The following NLRP4 variants were observed in gnomAD, a reference collection of about 807,000 sequenced individuals.
The protein encoded by NLRP4 is NLR family pyrin domain containing 4.
In NLRP4, 44 loss-of-function variants were observed where a neutral mutation model predicts 84.7. The observed-to-expected ratio is 0.52, with a 90% CI of 0.41 to 0.67. The LOEUF (loss-of-function observed/expected upper bound fraction) is 0.67, where lower values mean the gene tolerates loss of function less well. Among genes scored for constraint, NLRP4 ranks in the 30% least tolerant of loss-of-function variants. The probability of loss-of-function intolerance (pLI) is 0.00; values close to 1 mark genes in which losing one functional copy is unlikely to be tolerated. For synonymous variants in NLRP4, 544 were observed against 476.4 expected (o/e 1.14, Z -1.85); for missense variants, 1,260 against 1,219.4 (o/e 1.03, Z -0.50).
At chr19:55,855,313 G>C (rs1219536936) in intron 2 of NLRP4, among the ~76,000 whole-genome samples, 1 of 152,108 alleles carries the variant, frequency 6.6e-6, no homozygotes, top group Admixed American at 6.5e-5. Context: ...TCTTCCACTG[G>C]GTACTTACAC....
At chr19:55,864,714 A>AT (rs35649746) in intron 5 of NLRP4, among the ~76,000 whole-genome samples, 21,136 of 151,976 alleles carry the variant, frequency 0.14, 1,810 homozygotes, top group East Asian at 0.34. Flanking sequence ...ATCTTTGCTT[A>AT]TTTTTTACTT....
intron 1 of NLRP4, among the ~76,000 whole-genome samples, chr19:55,846,588 A>G (rs1983803877): frequency 1.3e-5 from 2 of 152,210 alleles, no homozygotes; most frequent in African/African-American, 4.8e-5. Context: ...TAACAGATAT[A>G]TAACTGATAT....
chr19:55,866,586 A>G (rs1568669905), intron 5 of NLRP4, among the ~76,000 whole-genome samples: 1 of 152,216 alleles, frequency 6.6e-6, no homozygotes, highest in Non-Finnish European at 1.5e-5. Context: ...GGCAACACAA[A>G]TCAACTCAAG....
intron 3 of NLRP4, among the ~76,000 whole-genome samples, chr19:55,860,867 A>T (rs146149646): frequency 0.018 from 2,683 of 152,186 alleles, 63 homozygotes; most frequent in African/African-American, 0.061. Flanking sequence ...TATCCCAGCT[A>T]CTCAGGAGGC....
intron 1 of NLRP4, among the ~76,000 whole-genome samples, chr19:55,844,324 C>T (rs1318449752): frequency 1.3e-5 from 2 of 152,008 alleles, no homozygotes; most frequent in African/African-American, 4.8e-5. Flanking sequence ...CACTTTATTG[C>T]CCAGGCTGGA....
chr19:55,862,041 C>G lies in NLRP4; in HGVS notation c.2068C>G (p.Leu690Val). 1.2e-6 allele frequency: 2 copies of G among 1,613,388 alleles called. No individual in the cohort carries two copies. Among genetic ancestry groups the G allele is most frequent in the Non-Finnish European group, 1.7e-6 (2 of 1,179,288 alleles). Residue 690 changes from leucine to valine, a missense_variant, in exon 5 of 10, where the codon CTC becomes GTC. Coordinates refer to ENST00000301295, the MANE Select transcript of NLRP4 (RefSeq NM_134444.5). ...SGQSVLLFEV[L>V]FYQPDLKYLS... Reference sequence around the variant, plus strand: ...CCAGAGTGTTCTGCTCTTTGAGGTGCTCTTTTATCAGCCAGACTTGAAATA... The same window carrying G: ...CCAGAGTGTTCTGCTCTTTGAGGTGGTCTTTTATCAGCCAGACTTGAAATA...
Position 55,878,959 on chromosome 19 carries a change from G to A in NLRP4, c.2862G>A (p.Val954=). The change falls in exon 9 of 10, where the codon GTG becomes GTA. Residue 954 remains valine (V), a synonymous_variant. Transcript: ENST00000301295. ...ALRHPECALQ[V]LGLRKTDFDE... ...GACACCCAGAGTGTGCCCTGCAGGTGCTCGGGTGAGCTGGGGTCTGTTGTG... is the reference window on the plus strand; with the variant it reads ...GACACCCAGAGTGTGCCCTGCAGGTACTCGGGTGAGCTGGGGTCTGTTGTG... The A allele has an allele frequency of 2.5e-6, 4 of 1,612,128 alleles. No homozygotes were observed. The highest frequency in any genetic ancestry group is 2.5e-6 in the Non-Finnish European group (3 of 1,178,638).
chr19:55,854,797 C>T (rs1305918226), intron 2 of NLRP4, among the ~76,000 whole-genome samples: 2 of 152,136 alleles, frequency 1.3e-5, no homozygotes, highest in East Asian at 3.8e-4. Context: ...TGGCTCACTG[C>T]AACCTCACTG....
intron 1 of NLRP4, among the ~76,000 whole-genome samples, chr19:55,846,231 T>C (rs1327186453): frequency 2.6e-5 from 4 of 152,228 alleles, no homozygotes; most frequent in Non-Finnish European, 5.9e-5. Flanking sequence ...GTTTCAGCTT[T>C]CTACTTACGG....
At position 55,858,244 on chromosome 19, in the gene NLRP4, C is replaced by A; in HGVS notation, c.851C>A (p.Pro284Gln). The change falls in exon 3 of 10, where the codon CCG becomes CAG. Residue 284 changes from proline (P) to glutamine (Q), a missense_variant. Physicochemically the swap from Pro to Gln is moderately conservative, Grantham distance 76. Around this residue, in one of 3 missense-constraint regions of NLRP4, gnomAD observed 712 missense variants for 669.2 expected, o/e 1.06. Coordinates refer to ENST00000301295, the MANE Select transcript of NLRP4 (RefSeq NM_134444.5). This position sits in a 1 kb window ranked among gnomAD's most constrained non-coding sequence, Gnocchi z 4.2. The part of the protein sequence containing the change: ...SLLIAIKPVC[P>Q]KELRDQVTIS... The stretch of plus-strand genomic sequence containing the variant: ...CTCATCGCTATCAAACCCGTGTGCC[C>A]GAAGGAGCTCCGGGATCAGGTGACG... 1.2e-6 allele frequency: 2 copies of A among 1,614,086 alleles called. No homozygotes were observed. Among genetic ancestry groups the A allele is most frequent in the Non-Finnish European group, 1.7e-6 (2 of 1,180,016 alleles).
intron 1 of NLRP4, among the ~76,000 whole-genome samples, chr19:55,839,978 T>G (rs563503008): frequency 6.6e-6 from 1 of 152,236 alleles, no homozygotes; most frequent in African/African-American, 2.4e-5. Flanking sequence ...AGAAGTATGT[T>G]TCTTAATTTT....
chr19:55,853,585 A>C (rs1984255044), intron 2 of NLRP4, among the ~76,000 whole-genome samples: 1 of 152,060 alleles, frequency 6.6e-6, no homozygotes, highest in Admixed American at 6.6e-5. Flanking sequence ...CTTTTAAAAA[A>C]AAATTGTAGA....
chr19:55,859,949 A>AAAAAAAC (rs1984670560), intron 3 of NLRP4, among the ~76,000 whole-genome samples: 1 of 106,534 alleles, frequency 9.4e-6, no homozygotes, highest in African/African-American at 2.9e-5. Context: ...AAAAAAAAAA[A>AAAAAAAC]AAACAAAACA....
chr19:55,851,588 G>T (rs1377095772), intron 1 of NLRP4, among the ~76,000 whole-genome samples: 2 of 102,332 alleles, frequency 2.0e-5, no homozygotes, highest in Admixed American at 1.0e-4. Context: ...GCGGTGTAAT[G>T]TCCGAGGCTG....
intron 1 of NLRP4, among the ~76,000 whole-genome samples, chr19:55,843,735 A>G (rs904878213): frequency 2.0e-5 from 3 of 152,192 alleles, no homozygotes; most frequent in African/African-American, 7.2e-5. Context: ...GCAATCTTAT[A>G]TTAGGTTGGT....
At chr19:55,840,738 A>G (rs1287017679) in intron 1 of NLRP4, among the ~76,000 whole-genome samples, 1 of 152,076 alleles carries the variant, frequency 6.6e-6, no homozygotes, top group African/African-American at 2.4e-5. Context: ...TGTTGCATGT[A>G]TGATTATAAT....
At chr19:55,838,581 C>T (rs764247161) in intron 1 of NLRP4, among the ~76,000 whole-genome samples, 7 of 152,036 alleles carry the variant, frequency 4.6e-5, no homozygotes, top group Middle Eastern at 3.4e-3. Flanking sequence ...GAAGCTAGTA[C>T]GCTATTAAAA....
rs1414029966 is a variant in NLRP4, at chr19:55,866,037, T to TTTTC, written c.2187-1669_2187-1668insCTTT. ...TAACTTCTTTGTTTTCTTTTCTTTT[T>TTTTC]TTTTCCCCCAAATTTGAGATGAGTC... On this transcript the variant is annotated intron_variant, in intron 5 of 9. Transcript: ENST00000301295. 1.9e-3 allele frequency among the ~76,000 whole-genome samples: 296 copies of TTTTC among 152,322 alleles called. 2 individuals are homozygous for TTTTC. Among genetic ancestry groups the TTTTC allele is most frequent in the African/African-American group, 7.0e-3 (291 of 41,562 alleles).
rs1184747715 is a variant in NLRP4 at position 55,858,879 on chromosome 19, T to C, written c.1486T>C (p.Trp496Arg). ...TTTTGAAAAAGCAAGGAGAGCACAT[T>C]GGATTTTTTTGGGGTGTTTTCTAAC... ...ANFEKARRAH[W>R]IFLGCFLTGL... Residue 496 changes from tryptophan (W) to arginine (R), a missense_variant, in exon 3 of 10, where the codon TGG (tryptophan) becomes CGG (arginine). Coordinates refer to ENST00000301295, the MANE Select transcript of NLRP4 (RefSeq NM_134444.5). The surrounding 1 kb of genome is among the most constrained non-coding windows in gnomAD (Gnocchi z 4.2). The C allele has an allele frequency of 1.9e-6, 3 of 1,614,184 alleles. No homozygotes were observed. Among genetic ancestry groups the C allele is most frequent in the Non-Finnish European group, 2.5e-6 (3 of 1,180,032 alleles).
Sources: allele counts gnomAD v4.1 joint callset (sites outside exome capture counted in the v4.1 genomes callset), GRCh38; gene constraint gnomAD v4.1.1; regional missense constraint gnomAD v4.1.1; non-coding constraint Gnocchi (gnomAD v3.1); transcripts MANE v1.5; gene names NCBI Gene and HGNC (gene_info 2026-07-23, HGNC 2026-07-21).